The following PRKAR1B variants were observed in gnomAD, a reference collection of about 807,000 sequenced individuals.
The protein encoded by PRKAR1B is protein kinase cAMP-dependent type I regulatory subunit beta, also known as cAMP-dependent protein kinase type I-beta regulatory subunit.
A neutral mutation model predicts 46.5 loss-of-function variants in PRKAR1B; 22 were observed. The observed-to-expected ratio is 0.47, with a 90% CI of 0.34 to 0.68. The LOEUF is 0.68. Ranked by LOEUF, PRKAR1B falls within the 30% of genes least tolerant of loss-of-function variation. The probability of loss-of-function intolerance (pLI) is 0.01; values close to 1 mark genes in which losing one functional copy is unlikely to be tolerated. For missense variants in PRKAR1B, 445 were observed against 535.6 expected, an observed-to-expected ratio of 0.83 and a Z score of 1.67; for synonymous variants, 259 against 217.7, an observed-to-expected ratio of 1.19 and a Z score of -1.67.
chr7:632,784 G>C (rs1329642823), intron 4 of PRKAR1B, among the ~76,000 whole-genome samples: 1 of 152,206 alleles, frequency 6.6e-6, no homozygotes, highest in African/African-American at 2.4e-5. Context: ...AAGCTACAGA[G>C]CCATCAGGAG....
chr7:579,357 G>A lies in PRKAR1B; in HGVS notation c.790C>T (p.Arg264Cys), dbSNP rs1228480924. 6.8e-6 allele frequency: 11 copies of A among 1,613,812 alleles called. No homozygotes were observed. The highest frequency in any genetic ancestry group is 1.6e-4 in the Middle Eastern group (1 of 6,084). The change falls in exon 9 of 11, where the codon CGT (arginine) becomes TGT (cysteine). Residue 264 changes from arginine (R) to cysteine (C), a missense_variant. By Grantham distance (180) the Arg-to-Cys change is radical. Around this residue, in one of 5 missense-constraint regions of PRKAR1B, gnomAD observed 51 missense variants for 85.1 expected, o/e 0.60. Coordinates refer to ENST00000537384, the MANE Select transcript of PRKAR1B (RefSeq NM_001164760.2). ...SILESLEKWERLTVADALEPV... is the reference protein window; with the variant it reads ...SILESLEKWECLTVADALEPV... ...TCCAGCGCATCCGCCACGGTCAGAC[G>A]CTCCCACTTCTCCAGGGACTCTGTC...
At chr7:584,311 G>C (rs1463622131) in intron 8 of PRKAR1B, among the ~76,000 whole-genome samples, 197 bp downstream of exon 8, 1 of 152,238 alleles carries the variant, frequency 6.6e-6, no homozygotes, top group Non-Finnish European at 1.5e-5. Flanking sequence ...CAGGCTCTTG[G>C]GGTTTGCCAA....
intron 1 of PRKAR1B, among the ~76,000 whole-genome samples, chr7:715,580 T>C (rs1238251615): frequency 1.3e-5 from 2 of 152,142 alleles, no homozygotes; most frequent in Non-Finnish European, 2.9e-5. Flanking sequence ...GGGTAGGTTA[T>C]TTTTCTCAGC....
chr7:561,797 T>A (rs1778817197), intron 9 of PRKAR1B, among the ~76,000 whole-genome samples: 1 of 152,186 alleles, frequency 6.6e-6, no homozygotes, highest in Non-Finnish European at 1.5e-5. Flanking sequence ...GCAGCTTCCG[T>A]GGGAAACAAG....
At chr7:703,409 G>A (rs1040212470) in intron 2 of PRKAR1B, among the ~76,000 whole-genome samples, 2 of 152,162 alleles carry the variant, frequency 1.3e-5, no homozygotes, top group African/African-American at 4.8e-5. Context: ...CACTTTGGGA[G>A]GTTGAGGTGG....
intron 1 of PRKAR1B, among the ~76,000 whole-genome samples, chr7:718,328 ATG>A (rs1470623854): frequency 7.3e-6 from 1 of 136,564 alleles, no homozygotes; most frequent in South Asian, 2.6e-4. Context: ...ATATGTATGT[ATG>A]TATATATATA....
In PRKAR1B at chr7:635,992, G is replaced by A. The variant is rs1257338779; in HGVS notation, c.441-28540C>T. On this transcript the variant is annotated intron_variant, in intron 4 of 10. Transcript: ENST00000537384. ...CGTCCTCCACCGGCCGCGCCCTCACGTCCTCCACCGGCCGCGCCCTCACGT... is the reference window on the plus strand; with the variant it reads ...CGTCCTCCACCGGCCGCGCCCTCACATCCTCCACCGGCCGCGCCCTCACGT... 1.4e-3 allele frequency among the ~76,000 whole-genome samples: 123 copies of A among 87,574 alleles called. 3 individuals carry two copies. Among genetic ancestry groups the A allele is most frequent in the East Asian group, 2.9e-3 (8 of 2,748 alleles). The allele number at this position is 87,574 out of a possible 152,430, so 57.5% of individuals were successfully genotyped here.
chr7:633,451 C>T (rs1415982735), intron 4 of PRKAR1B, among the ~76,000 whole-genome samples: 2 of 152,118 alleles, frequency 1.3e-5, no homozygotes, highest in African/African-American at 4.8e-5. Flanking sequence ...TGTAATTATA[C>T]AAACCAAATT....
intron 4 of PRKAR1B, among the ~76,000 whole-genome samples, chr7:612,962 ACT>A (rs1160820039): frequency 6.6e-6 from 1 of 152,244 alleles, no homozygotes; most frequent in African/African-American, 2.4e-5. Context: ...TCACCGAAGC[ACT>A]GTCAGCAATA....
At chr7:564,808 G>T (rs1779033143) in intron 9 of PRKAR1B, among the ~76,000 whole-genome samples, 1 of 152,220 alleles carries the variant, frequency 6.6e-6, no homozygotes, top group Non-Finnish European at 1.5e-5. Context: ...GTGAACTCCC[G>T]AGACGAACAC....
intron 9 of PRKAR1B, 113 bp from the exon 10 acceptor site, chr7:551,583 G>A: frequency 3.8e-6 from 4 of 1,043,598 alleles, no homozygotes; most frequent in Middle Eastern, 3.0e-4. Flanking sequence ...TCCCACCCAG[G>A]TCCTTCTCCC....
chr7:579,523 G>A, intron 8 of PRKAR1B, 146 bp from the exon 9 acceptor site: 3 of 1,103,680 alleles, frequency 2.7e-6, no homozygotes, highest in Non-Finnish European at 3.8e-6. Context: ...CATAAGATGA[G>A]GCCGTGACGC....
Position 669,423 on chromosome 7 carries a change from C to T in PRKAR1B, c.440+7806G>A, listed in dbSNP as rs772349960. The stretch of plus-strand genomic sequence containing the variant: ...TGGAAACAAAGAGTGGTGATGGCAG[C>T]ACACCATTGTGAATGTAACTAATGC... On this transcript the variant is annotated intron_variant, in intron 4 of 10. Coordinates refer to ENST00000537384, the MANE Select transcript of PRKAR1B (RefSeq NM_001164760.2). Among the ~76,000 whole-genome samples, 35 of 152,174 alleles carry T rather than the reference C, an allele frequency of 2.3e-4. 1 individual carries two copies. The highest frequency in any genetic ancestry group is 8.8e-5 in the Non-Finnish European group (6 of 68,034).
chr7:612,202 C>G (rs112531279), intron 4 of PRKAR1B, among the ~76,000 whole-genome samples: 4 of 89,690 alleles, frequency 4.5e-5, no homozygotes. Context: ...GTGAGTAGAT[C>G]AACGGATGGA....
rs572570850 is a variant in PRKAR1B, at chr7:556,999, C to T, written c.892-5529G>A. On this transcript the variant is annotated intron_variant, in intron 9 of 10. Coordinates refer to ENST00000537384, the MANE Select transcript of PRKAR1B (RefSeq NM_001164760.2). ...GCCCCTTGCCCTCCCACAGCCGACCCCCACCTCTGACCTCCTGAGCTGCAG... is the reference window on the plus strand; with the variant it reads ...GCCCCTTGCCCTCCCACAGCCGACCTCCACCTCTGACCTCCTGAGCTGCAG... Among the ~76,000 whole-genome samples, 11 of 152,334 alleles carry T rather than the reference C, an allele frequency of 7.2e-5. No homozygotes were observed. The South Asian group carries it at 2.3e-3, about 32-fold the overall frequency.
chr7:553,996 CAG>C (rs1309964021), intron 9 of PRKAR1B, among the ~76,000 whole-genome samples: 1 of 152,276 alleles, frequency 6.6e-6, no homozygotes, highest in African/African-American at 2.4e-5. Flanking sequence ...CGGGTGCCCA[CAG>C]ACTCAGACCC....
chr7:581,099 C>T (rs968563653), intron 8 of PRKAR1B, among the ~76,000 whole-genome samples: 3 of 152,052 alleles, frequency 2.0e-5, no homozygotes, highest in Admixed American at 6.6e-5. Context: ...GTCAGGAGAT[C>T]GAGACCATCC....
chr7:552,384 C>G (rs1264873739), intron 9 of PRKAR1B, among the ~76,000 whole-genome samples: 2 of 124,422 alleles, frequency 1.6e-5, no homozygotes, highest in Non-Finnish European at 3.3e-5. Flanking sequence ...CCGCCCGGGT[C>G]CTTCTCCAGA....
intron 4 of PRKAR1B, among the ~76,000 whole-genome samples, chr7:658,053 G>A (rs192530519): frequency 7.9e-5 from 12 of 152,222 alleles, no homozygotes; most frequent in East Asian, 7.7e-4. Context: ...CAGCAGCTCC[G>A]TGAGCCAGCA....
Sources: allele counts gnomAD v4.1 joint callset (sites outside exome capture counted in the v4.1 genomes callset), GRCh38; gene constraint gnomAD v4.1.1; regional missense constraint gnomAD v4.1.1; transcripts MANE v1.5; gene names NCBI Gene and HGNC (gene_info 2026-07-23, HGNC 2026-07-21).